The following CNTNAP5 variants were observed in gnomAD, a reference collection of about 807,000 sequenced individuals.
CNTNAP5 encodes the protein contactin-associated protein-like 5.
CNTNAP5 carries 72 observed loss-of-function variants against 150.2 expected under a neutral mutation model. The observed-to-expected ratio is 0.48, with a 90% CI of 0.40 to 0.58. The LOEUF is 0.58. Ranked by LOEUF, CNTNAP5 falls within the 20% of genes least tolerant of loss-of-function variation. The pLI is 0.00. For synonymous variants in CNTNAP5, 672 were observed against 619.8 expected, an observed-to-expected ratio of 1.08 and a Z score of -1.25; for missense variants, 1,636 against 1,626.2, an observed-to-expected ratio of 1.01 and a Z score of -0.10.
chr2:124,128,676 G>T (rs1345779610), intron 1 of CNTNAP5, among the ~76,000 whole-genome samples: 1 of 152,126 alleles, frequency 6.6e-6, no homozygotes, highest in African/African-American at 2.4e-5. Context: ...GTCCATCAAT[G>T]ATATACTGGA....
chr2:124,593,919 C>A (rs1696761326), intron 11 of CNTNAP5, among the ~76,000 whole-genome samples: 1 of 88,748 alleles, frequency 1.1e-5, no homozygotes, highest in African/African-American at 4.0e-5. Flanking sequence ...TGTTTTTTGG[C>A]TGCATAAATG....
At chr2:124,784,173 G>C (rs578230183) in intron 17 of CNTNAP5, among the ~76,000 whole-genome samples, 1 of 152,152 alleles carries the variant, frequency 6.6e-6, no homozygotes, top group South Asian at 2.1e-4. Context: ...AGGTGGGAGG[G>C]AAGAAGGGAG....
chr2:124,361,300 C>A (rs945780435), intron 3 of CNTNAP5, among the ~76,000 whole-genome samples: 1 of 144,956 alleles, frequency 6.9e-6, no homozygotes, highest in African/African-American at 2.6e-5. Context: ...AAGCCTCCTT[C>A]TCTCAGCTCA....
intron 19 of CNTNAP5, among the ~76,000 whole-genome samples, chr2:124,839,013 T>G (rs528948260): frequency 6.6e-6 from 1 of 152,184 alleles, no homozygotes; most frequent in Non-Finnish European, 1.5e-5. Context: ...AGAAATATAA[T>G]TATGAACTGT....
At chr2:124,057,107 T>C (rs906834737) in intron 1 of CNTNAP5, among the ~76,000 whole-genome samples, 4 of 152,090 alleles carry the variant, frequency 2.6e-5, no homozygotes, top group African/African-American at 7.2e-5. Flanking sequence ...GACATCACAA[T>C]TGGGAAGGAC....
chr2:124,659,582 T>A (rs1187166406), intron 13 of CNTNAP5, among the ~76,000 whole-genome samples: 1 of 152,228 alleles, frequency 6.6e-6, no homozygotes. Context: ...CATTTTCTTC[T>A]CTGCGAAATA....
intron 17 of CNTNAP5, among the ~76,000 whole-genome samples, chr2:124,786,398 A>AGAGAAGGAAG (rs1681583393): frequency 2.2e-5 from 1 of 45,158 alleles, no homozygotes; most frequent in Non-Finnish European, 4.1e-5. Flanking sequence ...AAAGAAAGAA[A>AGAGAAGGAAG]GAAGGAAGGA....
At chr2:124,228,625 T>G (rs929781330) in intron 2 of CNTNAP5, among the ~76,000 whole-genome samples, 2 of 152,202 alleles carry the variant, frequency 1.3e-5, no homozygotes, top group Non-Finnish European at 1.5e-5. Flanking sequence ...AATTGTTAAA[T>G]GGATTTGCTT....
At chr2:124,794,200 C>T (rs1681795581) in intron 18 of CNTNAP5, among the ~76,000 whole-genome samples, 1 of 152,206 alleles carries the variant, frequency 6.6e-6, no homozygotes, top group Admixed American at 6.5e-5. Context: ...TTACTGCTCA[C>T]AGATAAATCG....
chr2:124,651,264 G>T (rs1678316681), intron 13 of CNTNAP5, among the ~76,000 whole-genome samples: 1 of 152,302 alleles, frequency 6.6e-6, no homozygotes, highest in Non-Finnish European at 1.5e-5. Context: ...AATTATGGCT[G>T]CAGGTGCATT....
chr2:124,374,800 G>T (rs1293564001), intron 3 of CNTNAP5, among the ~76,000 whole-genome samples: 2 of 152,028 alleles, frequency 1.3e-5, no homozygotes, highest in Admixed American at 1.3e-4. Flanking sequence ...TGGAGCTGGG[G>T]CAGGGAGAAT....
At chr2:124,354,409 C>T (rs1326994873) in intron 3 of CNTNAP5, among the ~76,000 whole-genome samples, 1 of 152,122 alleles carries the variant, frequency 6.6e-6, no homozygotes, top group Non-Finnish European at 1.5e-5. Flanking sequence ...ATGTATTGGA[C>T]CTGCCATAAT....
At chr2:124,471,975 A>G (rs571253343) in intron 6 of CNTNAP5, among the ~76,000 whole-genome samples, 10 of 152,268 alleles carry the variant, frequency 6.6e-5, no homozygotes, top group African/African-American at 2.4e-4. Flanking sequence ...GGAATTTACA[A>G]GTTCATTGGT....
chr2:124,822,676 G>A (rs1558789619), intron 19 of CNTNAP5, among the ~76,000 whole-genome samples: 1 of 152,182 alleles, frequency 6.6e-6, no homozygotes, highest in Non-Finnish European at 1.5e-5. Flanking sequence ...CAAACTCTGA[G>A]TCATTTCACT....
Position 124,054,389 on chromosome 2 carries a change from G to C in CNTNAP5, c.82+28657G>C, listed in dbSNP as rs529441856. Among the ~76,000 whole-genome samples, 4 of 152,220 alleles carry C rather than the reference G, an allele frequency of 2.6e-5. No individual in the cohort carries two copies. The South Asian group carries it at 8.3e-4, about 32-fold the overall frequency. On this transcript the variant is annotated intron_variant, in intron 1 of 23. Transcript: ENST00000682447. ...TTAAAAATTAGAGCTGATGCACTCG[G>C]ATCCCTAGGCTCCTAGGGTCCTATA...
In CNTNAP5 at chr2:124,242,334, C is replaced by G. The variant is rs1686908586; in HGVS notation, c.322C>G (p.Leu108Val). ...CTCTGACTGGGTGACGAGTTACAGC[C>G]TGATGTTCAGTGACACAGGACGCAA... is the stretch of plus-strand genomic sequence containing the variant. ...GSSDWVTSYS[L>V]MFSDTGRNWK... The change falls in exon 3 of 24, where the codon CTG (leucine) becomes GTG (valine). Residue 108 changes from leucine (L) to valine (V), a missense_variant. Coordinates refer to ENST00000682447, the MANE Select transcript of CNTNAP5 (RefSeq NM_001367498.1). The G allele has an allele frequency of 6.2e-7, 1 of 1,613,284 alleles. No homozygotes were observed. The highest frequency in any genetic ancestry group is 1.3e-5 in the African/African-American group (1 of 74,892).
intron 12 of CNTNAP5, among the ~76,000 whole-genome samples, chr2:124,637,160 AT>A (rs1435713891): frequency 2.0e-5 from 3 of 152,058 alleles, no homozygotes; most frequent in Non-Finnish European, 4.4e-5. Flanking sequence ...AGCAGTGTCT[AT>A]TTTCATATTT....
chr2:124,512,544 T>C (rs1244391912), intron 8 of CNTNAP5, among the ~76,000 whole-genome samples: 2 of 151,982 alleles, frequency 1.3e-5, no homozygotes, highest in Non-Finnish European at 2.9e-5. Flanking sequence ...GAAAATACCA[T>C]GAAAAAGTGT....
At chr2:124,405,919 T>A (rs1691559470) in intron 3 of CNTNAP5, among the ~76,000 whole-genome samples, 1 of 152,234 alleles carries the variant, frequency 6.6e-6, no homozygotes, top group Non-Finnish European at 1.5e-5. Context: ...GCTCTAGAAG[T>A]GGAAAATTAG....
Sources: gnomAD v4.1 joint callset for allele counts (sites outside exome capture counted in the v4.1 genomes callset) on GRCh38, gnomAD v4.1.1 for gene constraint, MANE v1.5 for transcripts, NCBI Gene and HGNC (gene_info 2026-07-23, HGNC 2026-07-21) for gene names.